The following PLXDC2 variants were observed in gnomAD, a reference collection of about 807,000 sequenced individuals.
The protein encoded by PLXDC2 is plexin domain containing 2, also known as plexin domain-containing protein 2.
Under a neutral mutation model 68.9 loss-of-function variants are expected in PLXDC2, and 40 were observed. The ratio of observed to expected loss-of-function variants is 0.58; its 90% confidence interval spans 0.45 to 0.76. The LOEUF (loss-of-function observed/expected upper bound fraction) is 0.76. PLXDC2 is among the 30% of genes least tolerant of loss of function. The pLI is 0.00. For synonymous variants in PLXDC2, 243 were observed against 234.2 expected (o/e 1.04, Z -0.34); for missense variants, 644 against 661.9 (o/e 0.97, Z 0.30).
chr10:20,151,604 A>G (rs1244824191), intron 6 of PLXDC2, among the ~76,000 whole-genome samples: 1 of 152,096 alleles, frequency 6.6e-6, no homozygotes, highest in Non-Finnish European at 1.5e-5. Flanking sequence ...CAATTCACAA[A>G]TCTATGTCTC....
intron 13 of PLXDC2, among the ~76,000 whole-genome samples, chr10:20,252,966 T>C (rs1835698173): frequency 8.7e-6 from 1 of 114,748 alleles, no homozygotes. Context: ...ATTATCATCA[T>C]TATCCTTATT....
intron 1 of PLXDC2, among the ~76,000 whole-genome samples, chr10:19,962,689 T>C (rs1343160910): frequency 1.4e-5 from 2 of 145,392 alleles, no homozygotes; most frequent in Non-Finnish European, 3.0e-5. Flanking sequence ...CGCGCCCGGC[T>C]CAGCCATCTT....
chr10:19,954,672 G>C (rs1476216951), intron 1 of PLXDC2, among the ~76,000 whole-genome samples: 1 of 152,090 alleles, frequency 6.6e-6, no homozygotes, highest in Non-Finnish European at 1.5e-5. Context: ...TCCATTTATT[G>C]ATATTTTTAA....
intron 13 of PLXDC2, among the ~76,000 whole-genome samples, chr10:20,271,189 A>C (rs1835936552): frequency 6.6e-6 from 1 of 150,910 alleles, no homozygotes; most frequent in Non-Finnish European, 1.5e-5. Context: ...GCAAGAAAAT[A>C]TACCATCCTA....
intron 4 of PLXDC2, among the ~76,000 whole-genome samples, chr10:20,083,254 T>A (rs558035338): frequency 1.8e-4 from 27 of 151,786 alleles, no homozygotes; most frequent in Admixed American, 3.3e-4. Flanking sequence ...GGCGGGTGGA[T>A]CACCAGGTCA....
chr10:20,050,936 A>G (rs1835888498), intron 3 of PLXDC2, among the ~76,000 whole-genome samples: 1 of 152,042 alleles, frequency 6.6e-6, no homozygotes, highest in African/African-American at 2.4e-5. Flanking sequence ...CACACATGTG[A>G]ATGTTTATTG....
At chr10:20,131,263 C>T (rs942365385) in intron 4 of PLXDC2, among the ~76,000 whole-genome samples, 4 of 151,180 alleles carry the variant, frequency 2.6e-5, no homozygotes, top group Non-Finnish European at 4.4e-5. Context: ...TCTGTTCCGA[C>T]GTGGTAATAT....
chr10:20,224,816 T>G (rs533882683), intron 12 of PLXDC2, among the ~76,000 whole-genome samples: 6 of 152,284 alleles, frequency 3.9e-5, no homozygotes, highest in African/African-American at 1.4e-4. Flanking sequence ...TTTGATCGAG[T>G]TAAGGTTTGC....
At chr10:20,173,676 A>C (rs541183614) in intron 7 of PLXDC2, among the ~76,000 whole-genome samples, 1 of 152,296 alleles carries the variant, frequency 6.6e-6, no homozygotes, top group African/African-American at 2.4e-5. Context: ...GATCTATTGG[A>C]GTTGAATCAC....
At chr10:20,178,368 T>A (rs1489010683) in intron 9 of PLXDC2, among the ~76,000 whole-genome samples, 1 of 152,146 alleles carries the variant, frequency 6.6e-6, no homozygotes, top group African/African-American at 2.4e-5. Context: ...ATTTGTTTTG[T>A]TATTTACTCA....
chr10:19,924,931 A>T (rs75251017), intron 1 of PLXDC2, among the ~76,000 whole-genome samples: 2,996 of 152,280 alleles, frequency 0.02, 95 homozygotes, highest in African/African-American at 0.068. Context: ...AGAGATCATA[A>T]TGGCCTGTCC....
intron 3 of PLXDC2, among the ~76,000 whole-genome samples, chr10:20,066,303 A>G (rs972276035): frequency 3.9e-5 from 6 of 152,232 alleles, no homozygotes; most frequent in African/African-American, 1.4e-4. Flanking sequence ...ATATTTGAAT[A>G]CTTGCAGTGG....
At chr10:19,997,484 A>T (rs1290123731) in intron 1 of PLXDC2, among the ~76,000 whole-genome samples, 1 of 152,220 alleles carries the variant, frequency 6.6e-6, no homozygotes, top group African/African-American at 2.4e-5. Context: ...ATTACATAAG[A>T]TGCATGTCAA....
At chr10:19,902,535 C>T (rs903823292) in intron 1 of PLXDC2, among the ~76,000 whole-genome samples, 1 of 152,070 alleles carries the variant, frequency 6.6e-6, no homozygotes, top group Non-Finnish European at 1.5e-5. Flanking sequence ...AATTTTGTGT[C>T]CTGAAACTTT....
intron 2 of PLXDC2, among the ~76,000 whole-genome samples, chr10:20,045,305 G>T (rs1198779383): frequency 6.6e-6 from 1 of 151,964 alleles, no homozygotes; most frequent in Non-Finnish European, 1.5e-5. Flanking sequence ...CAAGTAGCTG[G>T]GATTACAAGC....
intron 1 of PLXDC2, among the ~76,000 whole-genome samples, chr10:19,940,138 G>A (rs1833793967): frequency 6.6e-6 from 1 of 151,658 alleles, no homozygotes; most frequent in Non-Finnish European, 1.5e-5. Context: ...TTCATGTGCT[G>A]GAAATGGAAG....
At chr10:19,954,282 T>C (rs1834033861) in intron 1 of PLXDC2, among the ~76,000 whole-genome samples, 1 of 152,186 alleles carries the variant, frequency 6.6e-6, no homozygotes, top group Non-Finnish European at 1.5e-5. Context: ...TTGGTGTATA[T>C]TAATCTTTTA....
In PLXDC2 at chr10:20,282,740, G is replaced by A. The variant is rs1417885111; in HGVS notation, c.*2921G>A. On this transcript the variant is annotated 3_prime_UTR_variant, in exon 14 of 14. Transcript: ENST00000377252. The stretch of plus-strand genomic sequence containing the variant: ...ATAAATGGCTTAAGCCCAAGAGATG[G>A]CACTGACCATAAATGGTGGCTTGTG... The A allele has an allele frequency of 6.6e-6, 1 of 152,148 alleles. No homozygotes were observed. Among genetic ancestry groups the A allele is most frequent in the African/African-American group, 2.4e-5 (1 of 41,442 alleles). The allele number at this position is 152,148 out of a possible 1,614,324, so 9.4% of individuals were successfully genotyped here. A position where few individuals can be genotyped will look rare whatever the true frequency, so the allele number is the denominator to read the frequency against.
chr10:20,140,844 T>C (rs921002305), intron 4 of PLXDC2, among the ~76,000 whole-genome samples: 1 of 152,006 alleles, frequency 6.6e-6, no homozygotes, highest in Non-Finnish European at 1.5e-5. Flanking sequence ...TGTAGAGTAG[T>C]AGGGTTTTTT....
Sources: gnomAD v4.1 joint callset for allele counts (sites outside exome capture counted in the v4.1 genomes callset) on GRCh38, gnomAD v4.1.1 for gene constraint, MANE v1.5 for transcripts, NCBI Gene and HGNC (gene_info 2026-07-23, HGNC 2026-07-21) for gene names.